Variants in BORA observed in about 807,000 individuals in gnomAD.
The protein encoded by BORA is BORA aurora kinase A activator, also known as protein aurora borealis.
A neutral mutation model predicts 55.8 loss-of-function variants in BORA; 26 were observed. That is an observed-to-expected ratio of 0.47 (90% CI 0.34 to 0.65). BORA has a LOEUF of 0.65. Ranked by LOEUF, BORA falls within the 30% of genes least tolerant of loss-of-function variation. BORA has a pLI of 0.01. For synonymous variants in BORA, 201 were observed against 216.9 expected (o/e 0.93, Z 0.64); for missense variants, 568 against 671.5 (o/e 0.85, Z 1.70).
intron 4 of BORA, 135 bp downstream of exon 4, chr13:72,735,140 T>G (rs58536774): frequency 0.17 from 113,377 of 679,490 alleles, 10,683 homozygotes; most frequent in East Asian, 0.26. Context: ...CCCATCTATA[T>G]AAAGCACCCT....
rs749078503 is a variant in BORA at position 72,743,632 on chromosome 13, A to G, written c.454+30A>G. 7.8e-6 allele frequency: 12 copies of G among 1,537,470 alleles called. 1 individual carries two copies. In the South Asian group the frequency reaches 1.1e-4, roughly 15 times the overall value. ...GTATGAACACAATTTGAAAAGAAGG[A>G]TGTTCCATATTAAGCTACATTGAAT... On this transcript the variant is annotated intron_variant, in intron 6 of 11. Coordinates refer to ENST00000390667, the MANE Select transcript of BORA (RefSeq NM_024808.5).
intron 7 of BORA, 24 bp from the exon 8 acceptor site, chr13:72,744,957 C>A: frequency 6.3e-7 from 1 of 1,598,040 alleles, no homozygotes; most frequent in South Asian, 1.1e-5. Flanking sequence ...CTAGCTTTGC[C>A]TTTTCTCCTA....
chr13:72,746,619 G>A lies in BORA; in HGVS notation c.990G>A (p.Trp330Ter), dbSNP rs1263387284. The change falls in exon 10 of 12, where the codon TGG becomes TGA. Residue 330 changes from tryptophan (W) to a stop codon, truncating the protein, a stop_gained. Coordinates refer to ENST00000390667, the MANE Select transcript of BORA (RefSeq NM_024808.5). LOFTEE classifies it high-confidence loss of function. Reference protein sequence around the residue: ...YIDGCSPIKNWSPMRLQMYSG... With the variant: ...YIDGCSPIKN ...ATGGCTGCTCGCCAATTAAAAATTGGTCTCCTATGAGACTTCAGATGTATA... is the reference window on the plus strand; with the variant it reads ...ATGGCTGCTCGCCAATTAAAAATTGATCTCCTATGAGACTTCAGATGTATA... 1.2e-6 allele frequency: 2 copies of A among 1,613,970 alleles called. No homozygotes were observed. Among genetic ancestry groups the A allele is most frequent in the Non-Finnish European group, 8.5e-7 (1 of 1,179,998 alleles).
In BORA at chr13:72,743,517, T is replaced by C. The variant is rs774312578; in HGVS notation, c.389-20T>C. On this transcript the variant is annotated intron_variant, in intron 5 of 11. Transcript: ENST00000390667. The stretch of plus-strand genomic sequence containing the variant: ...TGAAGAGTATAAAACATAGGATTTT[T>C]CACTTAAAATGTCTTACAGGCACTA... 3.2e-6 allele frequency: 5 copies of C among 1,575,382 alleles called. No homozygotes were observed. Among genetic ancestry groups the C allele is most frequent in the Non-Finnish European group, 4.3e-6 (5 of 1,153,612 alleles).
chr13:72,740,622 CAAT>C (rs2033015927), intron 5 of BORA, among the ~76,000 whole-genome samples: 1 of 152,058 alleles, frequency 6.6e-6, no homozygotes, highest in Non-Finnish European at 1.5e-5. Flanking sequence ...GTAAAGGATT[CAAT>C]AATAAATACT....
chr13:72,736,999 AAG>A (rs1292379209), intron 4 of BORA, among the ~76,000 whole-genome samples: 1 of 152,036 alleles, frequency 6.6e-6, no homozygotes, highest in East Asian at 1.9e-4. Flanking sequence ...AAAAAAAAAA[AAG>A]AATCTTTTCC....
chr13:72,752,183 C>A (rs1400572387), intron 10 of BORA: 3 of 152,300 alleles, frequency 2.0e-5, no homozygotes, highest in East Asian at 1.9e-4. Context: ...AATTAGAGTT[C>A]TTTTATTTCC....
At chr13:72,743,394 C>A in intron 5 of BORA, 143 bp from the exon 6 acceptor site, 1 of 470,022 alleles carries the variant, frequency 2.1e-6, no homozygotes, top group Non-Finnish European at 3.7e-6. Context: ...AGAAACATAC[C>A]AAAATATATA....
At chr13:72,745,854 T>G in intron 8 of BORA, 90 bp from the exon 9 acceptor site, 1 of 1,127,500 alleles carries the variant, frequency 8.9e-7, no homozygotes, top group Non-Finnish European at 1.2e-6. Context: ...AGTTTATAAG[T>G]GTGTTTTGAA....
In BORA at chr13:72,744,555, A is replaced by G. The variant is rs2033103292; in HGVS notation, c.505A>G (p.Ile169Val). Residue 169 changes from isoleucine (I) to valine (V), a missense_variant, in exon 7 of 12, where the codon ATA (isoleucine) becomes GTA (valine). Coordinates refer to ENST00000390667, the MANE Select transcript of BORA (RefSeq NM_024808.5). ...TCCTGTGGATTTTAATTTAGAAAAT[A>G]TATTAGGTAAATACTGTATTTGTTT... ...SLPVDFNLEN[I>V]LGDYFRADEF... The G allele has an allele frequency of 6.2e-7, 1 of 1,603,664 alleles. No homozygotes were observed. The highest frequency in any genetic ancestry group is 8.5e-7 in the Non-Finnish European group (1 of 1,171,520).
chr13:72,744,925 G>C (rs2033109929), intron 7 of BORA, 56 bp from the exon 8 acceptor site: 1 of 1,510,810 alleles, frequency 6.6e-7, no homozygotes, highest in African/African-American at 1.4e-5. Context: ...AGTAACAGAA[G>C]TATAATTGCC....
intron 1 of BORA, chr13:72,728,282 T>G: frequency 1.5e-6 from 1 of 671,728 alleles, no homozygotes; most frequent in Non-Finnish European, 2.7e-6. Context: ...GTAGCCTCCT[T>G]TGATTGCAAG....
At chr13:72,747,769 T>C (rs1022111371) in intron 10 of BORA, among the ~76,000 whole-genome samples, 2 of 152,020 alleles carry the variant, frequency 1.3e-5, no homozygotes, top group Admixed American at 6.6e-5. Flanking sequence ...ATGACCTCAG[T>C]TGATCCGCCC....
chr13:72,730,174 T>C (rs1310159213), intron 2 of BORA, among the ~76,000 whole-genome samples: 1 of 152,156 alleles, frequency 6.6e-6, no homozygotes, highest in African/African-American at 2.4e-5. Context: ...CCAAGTTACT[T>C]AGAAAAACTG....
In BORA at chr13:72,740,450, T is replaced by C. The variant is rs79785102; in HGVS notation, c.388+2407T>C. 2.4e-3 allele frequency among the ~76,000 whole-genome samples: 368 copies of C among 152,250 alleles called. 2 individuals carry two copies. Among genetic ancestry groups the C allele is most frequent in the African/African-American group, 8.6e-3 (357 of 41,546 alleles). On this transcript the variant is annotated intron_variant, in intron 5 of 11. Coordinates refer to ENST00000390667, the MANE Select transcript of BORA (RefSeq NM_024808.5). Reference sequence around the variant, plus strand: ...GTGGCCACGTGTGACTATTTAAATTTAAAGTTAAATTTAAAAATGGAGTTC... The same window carrying C: ...GTGGCCACGTGTGACTATTTAAATTCAAAGTTAAATTTAAAAATGGAGTTC...
chr13:72,744,649 T>C (rs2033105322), intron 7 of BORA, 88 bp downstream of exon 7: 1 of 983,536 alleles, frequency 1.0e-6, no homozygotes, highest in East Asian at 2.5e-5. Flanking sequence ...ATGGGAAATA[T>C]GTGGCAGTGC....
chr13:72,745,913 T>C (rs368213762), intron 8 of BORA, 31 bp from the exon 9 acceptor site: 2 of 1,579,536 alleles, frequency 1.3e-6, no homozygotes, highest in African/African-American at 2.7e-5. Flanking sequence ...GAGAACCATA[T>C]ACATTTATTT....
chr13:72,747,760 T>A (rs1593818187), intron 10 of BORA, among the ~76,000 whole-genome samples: 1 of 152,124 alleles, frequency 6.6e-6, no homozygotes, highest in East Asian at 1.9e-4. Flanking sequence ...CTCGAACTCA[T>A]GACCTCAGTT....
rs1040395218 is a variant in BORA, at chr13:72,756,001, T to C, written c.*785T>C. On this transcript the variant is annotated 3_prime_UTR_variant, in exon 12 of 12. Coordinates refer to ENST00000390667, the MANE Select transcript of BORA (RefSeq NM_024808.5). Reference sequence around the variant, plus strand: ...GGGAGAGTGGAGTTCCCGTAGGGCATAGGCCTGTGAAGTAACACTGGGGCA... The same window carrying C: ...GGGAGAGTGGAGTTCCCGTAGGGCACAGGCCTGTGAAGTAACACTGGGGCA... 3 of 398,482 alleles carry C rather than the reference T, an allele frequency of 7.5e-6. No individual in the cohort carries two copies. Among genetic ancestry groups the C allele is most frequent in the Admixed American group, 4.4e-5 (1 of 22,712 alleles). The allele number at this position is 398,482 out of a possible 1,614,324, so 24.7% of individuals were successfully genotyped here.
Sources: gnomAD v4.1 joint callset for allele counts (sites outside exome capture counted in the v4.1 genomes callset) on GRCh38, gnomAD v4.1.1 for gene constraint, MANE v1.5 for transcripts, NCBI Gene and HGNC (gene_info 2026-07-23, HGNC 2026-07-21) for gene names.